Variants in PLCB4 observed in about 807,000 individuals in gnomAD.
The protein encoded by PLCB4 is 1-phosphatidylinositol 4,5-bisphosphate phosphodiesterase beta-4.
PLCB4 carries 77 observed loss-of-function variants against 178.8 expected under a neutral mutation model. The observed-to-expected ratio is 0.43, with a 90% CI of 0.36 to 0.52. The LOEUF (loss-of-function observed/expected upper bound fraction) is 0.52, where lower values mean the gene tolerates loss of function less well. PLCB4 is among the 20% of genes least tolerant of loss of function. PLCB4 has a pLI of 0.00. For missense variants in PLCB4, 1,024 were observed against 1,453.4 expected (o/e 0.70, Z 4.80); for synonymous variants, 496 against 490.8 (o/e 1.01, Z -0.14).
intron 2 of PLCB4, among the ~76,000 whole-genome samples, chr20:9,127,180 GGT>G (rs1284729514): frequency 6.6e-6 from 1 of 152,060 alleles, no homozygotes; most frequent in Non-Finnish European, 1.5e-5. Flanking sequence ...TGAACTCTAA[GGT>G]GTGCACAAAT....
At chr20:9,475,393 G>A (rs1290208265) in intron 38 of PLCB4, among the ~76,000 whole-genome samples, 2 of 152,180 alleles carry the variant, frequency 1.3e-5, no homozygotes, top group African/African-American at 2.4e-5. Flanking sequence ...CAGAGTTCTT[G>A]CATTAAACTG....
intron 2 of PLCB4, among the ~76,000 whole-genome samples, chr20:9,185,402 C>T (rs6056453): frequency 0.03 from 4,499 of 152,224 alleles, 99 homozygotes; most frequent in African/African-American, 0.046. Context: ...CACACTCACA[C>T]GTGGTATGGT....
rs762766235 is a variant in PLCB4, at chr20:9,371,210, C to G, written c.504-4C>G. 1.3e-6 allele frequency: 2 copies of G among 1,576,960 alleles called. No homozygotes were observed. Among genetic ancestry groups the G allele is most frequent in the Non-Finnish European group, 1.7e-6 (2 of 1,146,360 alleles). On this transcript the variant is annotated splice_polypyrimidine_tract_variant and splice_region_variant and intron_variant, in intron 9 of 39. Coordinates refer to ENST00000378473, the MANE Select transcript of PLCB4 (RefSeq NM_001377142.1). ...AATGTGTGTTTCTTTCTTTTCTGCCCTAGTATTACTAGAACATTTGCATCG... is the reference window on the plus strand; with the variant it reads ...AATGTGTGTTTCTTTCTTTTCTGCCGTAGTATTACTAGAACATTTGCATCG...
At chr20:9,072,725 T>C (rs2089633127) in intron 1 of PLCB4, among the ~76,000 whole-genome samples, 1 of 152,228 alleles carries the variant, frequency 6.6e-6, no homozygotes, top group Non-Finnish European at 1.5e-5. Flanking sequence ...TTTTTTATGC[T>C]GAAGGCGTAA....
intron 2 of PLCB4, among the ~76,000 whole-genome samples, chr20:9,154,905 CTCCTTCCTTCCTTCCTTCCTTCCTTCCT>C (rs771256316): frequency 1.1e-4 from 7 of 62,422 alleles, no homozygotes; most frequent in African/African-American, 4.2e-4. Context: ...CCCTCCTTCC[CTCCTTCCTTCCTTCCTTCCTTCCTTCCT>C]TCCTTCCTTC....
chr20:9,342,513 A>AT (rs1000288879), intron 7 of PLCB4, among the ~76,000 whole-genome samples: 2 of 152,168 alleles, frequency 1.3e-5, no homozygotes, highest in African/African-American at 4.8e-5. Flanking sequence ...GCAAGTAATC[A>AT]TTTTTTAAAA....
chr20:9,337,074 T>G (rs2032567966), intron 4 of PLCB4, 52 bp from the exon 5 acceptor site: 6 of 1,147,456 alleles, frequency 5.2e-6, no homozygotes, highest in Non-Finnish European at 7.9e-6. Flanking sequence ...TTCATTTTTA[T>G]TAGATTCAAA....
In PLCB4 at chr20:9,442,291, G is replaced by A. The variant is rs559115650; in HGVS notation, c.2765-1690G>A. Among the ~76,000 whole-genome samples the A allele has an allele frequency of 4.5e-4, 68 of 152,264 alleles. 2 individuals are homozygous for A. In the South Asian group the frequency reaches 0.012, roughly 27 times the overall value. On this transcript the variant is annotated intron_variant, in intron 30 of 39. Coordinates refer to ENST00000378473, the MANE Select transcript of PLCB4 (RefSeq NM_001377142.1). ...GAGGCCGTCAGTTGGACAGACCCAC[G>A]CATGGAACATTCCCATTATTGTGCA...
intron 11 of PLCB4, 53 bp downstream of exon 11, chr20:9,372,456 G>A (rs547481321): frequency 9.4e-5 from 84 of 891,856 alleles, no homozygotes; most frequent in South Asian, 6.8e-4. Context: ...TGTCCTTTTC[G>A]ATTTTTTAAA....
At chr20:9,274,994 A>G (rs1286949410) in intron 3 of PLCB4, among the ~76,000 whole-genome samples, 2 of 152,108 alleles carry the variant, frequency 1.3e-5, no homozygotes, top group Non-Finnish European at 2.9e-5. Flanking sequence ...CTTTGAATGT[A>G]ATAGAGACTC....
intron 36 of PLCB4, among the ~76,000 whole-genome samples, chr20:9,470,495 T>G (rs1249675149): frequency 6.6e-6 from 1 of 152,182 alleles, no homozygotes; most frequent in Non-Finnish European, 1.5e-5. Context: ...TTTTAGACTA[T>G]CCAAAGTGAA....
intron 38 of PLCB4, among the ~76,000 whole-genome samples, chr20:9,474,715 A>G (rs757609367): frequency 5.3e-5 from 8 of 151,430 alleles, no homozygotes; most frequent in Admixed American, 1.3e-4. Context: ...TCTTTTTTGT[A>G]TGGCAATTGG....
chr20:9,178,653 C>T (rs1041751217), intron 2 of PLCB4, among the ~76,000 whole-genome samples: 2 of 151,330 alleles, frequency 1.3e-5, no homozygotes, highest in African/African-American at 4.8e-5. Context: ...TGTCAATTGC[C>T]TACCAGTGAA....
chr20:9,159,130 C>T (rs1315981546), intron 2 of PLCB4, among the ~76,000 whole-genome samples: 14 of 152,064 alleles, frequency 9.2e-5, no homozygotes, highest in Admixed American at 8.5e-4. Flanking sequence ...CTCTAGAAGG[C>T]CAGTTTAGGT....
intron 25 of PLCB4, among the ~76,000 whole-genome samples, chr20:9,413,216 T>C (rs4816133): frequency 0.98 from 149,258 of 152,246 alleles, 73,173 homozygotes; most frequent in East Asian, 1. Flanking sequence ...GCACTTTCCT[T>C]GCCCACCTCA....
At chr20:9,327,796 A>G (rs1477427485) in intron 4 of PLCB4, among the ~76,000 whole-genome samples, 2 of 152,146 alleles carry the variant, frequency 1.3e-5, no homozygotes, top group African/African-American at 4.8e-5. Context: ...TAATAATAAA[A>G]CAAAATTAAA....
intron 2 of PLCB4, among the ~76,000 whole-genome samples, chr20:9,174,364 T>G (rs1434132202): frequency 2.0e-5 from 3 of 152,000 alleles, no homozygotes; most frequent in Non-Finnish European, 4.4e-5. Flanking sequence ...CAATCTGGTC[T>G]CAAACTCCTG....
intron 2 of PLCB4, among the ~76,000 whole-genome samples, chr20:9,206,741 C>T (rs1467776016): frequency 6.6e-6 from 1 of 152,202 alleles, no homozygotes; most frequent in East Asian, 1.9e-4. Flanking sequence ...TTGACAAACA[C>T]AAGTAGCCAA....
intron 4 of PLCB4, among the ~76,000 whole-genome samples, chr20:9,320,199 T>A (rs976428739): frequency 5.3e-5 from 8 of 152,240 alleles, no homozygotes; most frequent in African/African-American, 1.9e-4. Context: ...GGATTATTCA[T>A]GAGTTTTCCA....
Sources: gnomAD v4.1 joint callset for allele counts (sites outside exome capture counted in the v4.1 genomes callset) on GRCh38, gnomAD v4.1.1 for gene constraint, MANE v1.5 for transcripts, NCBI Gene and HGNC (gene_info 2026-07-23, HGNC 2026-07-21) for gene names.